The following NCAPD2 variants were observed in gnomAD, a reference collection of about 807,000 sequenced individuals.
The protein encoded by NCAPD2 is non-SMC condensin I complex subunit D2.
NCAPD2 carries 100 observed loss-of-function variants against 164.5 expected under a neutral mutation model. The observed-to-expected ratio is 0.61, with a 90% CI of 0.52 to 0.72. The LOEUF (loss-of-function observed/expected upper bound fraction) is 0.72, where lower values mean the gene tolerates loss of function less well. Ranked by LOEUF, NCAPD2 falls within the 30% of genes least tolerant of loss-of-function variation. The pLI, the probability that NCAPD2 is intolerant of heterozygous loss-of-function variation, is 0.00. For missense variants in NCAPD2, 1,560 were observed against 1,749.2 expected (o/e 0.89, Z 1.93); for synonymous variants, 585 against 642.6 (o/e 0.91, Z 1.36).
intron 2 of NCAPD2, among the ~76,000 whole-genome samples, chr12:6,498,630 A>G (rs919192039): frequency 3.3e-5 from 5 of 150,884 alleles, no homozygotes; most frequent in Non-Finnish European, 5.9e-5. Context: ...TTTTTTTGAG[A>G]CGGAGTCTTG....
Position 6,517,971 on chromosome 12 carries a change from A to G in NCAPD2, c.1589+12A>G. ...AAAGCTAGTTACAAGTAGGCAAAAG[A>G]ATGGGATATTCTTCGTGATCTGTTT... On this transcript the variant is annotated intron_variant, in intron 13 of 31. Transcript: ENST00000315579. 1.2e-6 allele frequency: 2 copies of G among 1,612,096 alleles called. No individual in the cohort carries two copies. The highest frequency in any genetic ancestry group is 1.7e-6 in the Non-Finnish European group (2 of 1,179,140).
chr12:6,496,742 C>T (rs1945988036), intron 2 of NCAPD2, among the ~76,000 whole-genome samples: 1 of 152,034 alleles, frequency 6.6e-6, no homozygotes. Flanking sequence ...ACTGCAGCCT[C>T]AATCTACCAG....
intron 2 of NCAPD2, among the ~76,000 whole-genome samples, chr12:6,499,247 T>G (rs1946012054): frequency 6.6e-6 from 1 of 151,940 alleles, no homozygotes; most frequent in Admixed American, 6.6e-5. Context: ...GGTCTTGCTT[T>G]GTTGACCAGG....
intron 13 of NCAPD2, 90 bp downstream of exon 13, chr12:6,518,049 T>C: frequency 7.8e-7 from 1 of 1,284,948 alleles, no homozygotes; most frequent in Non-Finnish European, 1.1e-6. Flanking sequence ...TTAAATTAAC[T>C]GCACACAGAT....
intron 18 of NCAPD2, 50 bp from the exon 19 acceptor site, chr12:6,526,018 G>A (rs767210991): frequency 6.2e-6 from 10 of 1,600,594 alleles, no homozygotes; most frequent in Non-Finnish European, 8.5e-6. Context: ...TTTCTCCCCC[G>A]ATGAGTCCAA....
chr12:6,524,271 G>C (rs546932490), intron 17 of NCAPD2, among the ~76,000 whole-genome samples: 8 of 152,226 alleles, frequency 5.3e-5, no homozygotes, highest in Non-Finnish European at 1.0e-4. Flanking sequence ...AGCAAGGAGG[G>C]AGGGCATTTC....
chr12:6,517,349 T>C lies in NCAPD2; in HGVS notation c.1186-16T>C. ...TGTGGGACTTGAGCAGATTCTTCTC[T>C]TCCTACCCTACACAGGCTCTCCCCC... On this transcript the variant is annotated splice_polypyrimidine_tract_variant and intron_variant, in intron 10 of 31. Transcript: ENST00000315579. 1 of 1,612,436 alleles carries C rather than the reference T, an allele frequency of 6.2e-7. No homozygotes were observed.
chr12:6,499,515 G>A (rs1946015368), intron 2 of NCAPD2, among the ~76,000 whole-genome samples: 1 of 152,120 alleles, frequency 6.6e-6, no homozygotes, highest in African/African-American at 2.4e-5. Context: ...AGCCTCCCAA[G>A]TGGCTGGAAT....
At chr12:6,530,576 C>T (rs1406541259) in intron 29 of NCAPD2, 115 bp from the exon 30 acceptor site, 4 of 1,348,010 alleles carry the variant, frequency 3.0e-6, no homozygotes, top group Non-Finnish European at 4.1e-6. Flanking sequence ...AGCCTTCTCA[C>T]CTTGGCTTCT....
rs1265298375 is a variant in NCAPD2 at position 6,521,015 on chromosome 12, C to G, written c.1619C>G (p.Thr540Arg). The G allele has an allele frequency of 6.2e-7, 1 of 1,614,138 alleles. No homozygotes were observed. The highest frequency in any genetic ancestry group is 1.7e-5 in the Admixed American group (1 of 60,024). Residue 540 changes from threonine to arginine, a missense_variant, in exon 14 of 32, where the codon ACA becomes AGA. Transcript: ENST00000315579. ...KKAIILTREA[T>R]GHFQESEPFS... ...GCCATCATTCTCACTCGAGAAGCCA[C>G]AGGCCACTTCCAGGAGTCCGAACCC...
At chr12:6,523,429 G>A (rs899447589) in intron 17 of NCAPD2, 83 bp downstream of exon 17, 2 of 1,081,124 alleles carry the variant, frequency 1.8e-6, no homozygotes, top group Non-Finnish European at 2.6e-6. Context: ...ACGGAGTCAT[G>A]CCCCATTGCC....
intron 17 of NCAPD2, 52 bp downstream of exon 17, chr12:6,523,398 G>GTTTTT (rs3076239): frequency 0.078 from 66,382 of 852,782 alleles, 1,371 homozygotes; most frequent in African/African-American, 0.15. Context: ...TATTTTGGTT[G>GTTTTT]TTTTTTTTTT....
At chr12:6,517,756 G>A (rs1245195859) in intron 12 of NCAPD2, 23 bp from the exon 13 acceptor site, 6 of 1,614,118 alleles carry the variant, frequency 3.7e-6, no homozygotes, top group Non-Finnish European at 4.2e-6. Flanking sequence ...TAGTGAAAGA[G>A]ACTAAGTGAC....
chr12:6,494,522 G>T (rs1945957522), intron 1 of NCAPD2, among the ~76,000 whole-genome samples: 1 of 152,202 alleles, frequency 6.6e-6, no homozygotes. Flanking sequence ...CTTGGCACAG[G>T]ATAAATAAAT....
chr12:6,521,190 G>T (rs1442697042), intron 14 of NCAPD2, 80 bp downstream of exon 14: 5 of 1,541,054 alleles, frequency 3.2e-6, no homozygotes, highest in Admixed American at 1.8e-5. Context: ...GCCATCATTG[G>T]CCTGGTTAAC....
chr12:6,504,214 TATAG>T (rs1555137440), intron 2 of NCAPD2, among the ~76,000 whole-genome samples: 37 of 21,148 alleles, frequency 1.7e-3, no homozygotes, highest in Admixed American at 9.0e-3. Flanking sequence ...TATATATATA[TATAG>T]ATATAGATAT....
chr12:6,524,427 G>T (rs1946295755), intron 17 of NCAPD2, among the ~76,000 whole-genome samples: 1 of 151,988 alleles, frequency 6.6e-6, no homozygotes, highest in Non-Finnish European at 1.5e-5. Flanking sequence ...ATTACCTGAG[G>T]TCTGAGGTCA....
Position 6,517,758 on chromosome 12 carries a change from C to T in NCAPD2, c.1409-21C>T, listed in dbSNP as rs777708419. On this transcript the variant is annotated intron_variant, in intron 12 of 31. Transcript: ENST00000315579. The stretch of plus-strand genomic sequence containing the variant: ...CAGTCAGAAACTCTAGTGAAAGAGA[C>T]TAAGTGACACTCTCATTTAGCTGCA... 3 of 1,614,126 alleles carry T rather than the reference C, an allele frequency of 1.9e-6. No individual in the cohort carries two copies. In the East Asian group the frequency reaches 6.7e-5, roughly 36 times the overall value.
At chr12:6,520,407 G>A (rs1946253801) in intron 13 of NCAPD2, among the ~76,000 whole-genome samples, 1 of 145,132 alleles carries the variant, frequency 6.9e-6, no homozygotes, top group Non-Finnish European at 1.5e-5. Flanking sequence ...TACACCCACA[G>A]GCACACACCA....
Sources: gnomAD v4.1 joint callset for allele counts (sites outside exome capture counted in the v4.1 genomes callset) on GRCh38, gnomAD v4.1.1 for gene constraint, MANE v1.5 for transcripts, NCBI Gene and HGNC (gene_info 2026-07-23, HGNC 2026-07-21) for gene names.